PDCD11: variants seen among roughly 807,000 people sequenced by gnomAD.
PDCD11 encodes programmed cell death 11.
PDCD11 carries 97 observed loss-of-function variants against 198.9 expected under a neutral mutation model. The observed-to-expected ratio is 0.49, with a 90% CI of 0.41 to 0.58. The LOEUF is 0.58. Among genes scored for constraint, PDCD11 ranks in the 20% least tolerant of loss-of-function variants. PDCD11 has a pLI of 0.00. For missense variants in PDCD11, 2,102 were observed against 2,312.7 expected, an observed-to-expected ratio of 0.91 and a Z score of 1.87; for synonymous variants, 893 against 918.0, an observed-to-expected ratio of 0.97 and a Z score of 0.49.
chr10:103,402,434 T>A (rs1475418492), intron 3 of PDCD11, among the ~76,000 whole-genome samples: 1 of 152,198 alleles, frequency 6.6e-6, no homozygotes, highest in Non-Finnish European at 1.5e-5. Flanking sequence ...TATTTTTTAT[T>A]TATTTTTATT....
At chr10:103,442,139 C>A in intron 31 of PDCD11, 74 bp from the exon 32 acceptor site, 7 of 1,584,872 alleles carry the variant, frequency 4.4e-6, no homozygotes. Context: ...CCAGCCAACT[C>A]GTGACTTCCA....
intron 1 of PDCD11, 102 bp downstream of exon 1, chr10:103,396,832 C>T: frequency 6.6e-6 from 1 of 152,434 alleles, no homozygotes; most frequent in Non-Finnish European, 1.5e-5. Context: ...TGTGGTTCGG[C>T]CACCTTAGCC....
intron 1 of PDCD11, 45 bp from the exon 2 acceptor site, chr10:103,398,368 TCTG>T: frequency 8.5e-7 from 1 of 1,169,626 alleles, no homozygotes; most frequent in East Asian, 2.3e-5. Context: ...CTTTCTGAAA[TCTG>T]CTACCAAGAC....
At chr10:103,417,605 T>C (rs1172485616) in intron 13 of PDCD11, among the ~76,000 whole-genome samples, 187 bp from the exon 14 acceptor site, 1 of 152,280 alleles carries the variant, frequency 6.6e-6, no homozygotes, top group African/African-American at 2.4e-5. Context: ...ATGTCTTCCA[T>C]TTATCCCAAA....
chr10:103,427,421 C>CT, intron 21 of PDCD11, 30 bp downstream of exon 21: 1 of 1,562,516 alleles, frequency 6.4e-7, no homozygotes, highest in Non-Finnish European at 8.8e-7. Flanking sequence ...CACTGTCTTA[C>CT]GGAAAGAGCA....
chr10:103,402,040 C>G (rs1479208619), intron 3 of PDCD11, among the ~76,000 whole-genome samples: 1 of 152,208 alleles, frequency 6.6e-6, no homozygotes, highest in East Asian at 1.9e-4. Context: ...CTGCACCTGG[C>G]TGAAAACTAA....
chr10:103,438,215 G>C, intron 26 of PDCD11, 144 bp downstream of exon 26: 2 of 686,858 alleles, frequency 2.9e-6, no homozygotes, highest in South Asian at 3.3e-5. Flanking sequence ...ACCCAGAAAA[G>C]CTGAGGCTGT....
At chr10:103,430,387 G>A (rs887715170) in intron 21 of PDCD11, among the ~76,000 whole-genome samples, 2 of 152,188 alleles carry the variant, frequency 1.3e-5, no homozygotes, top group Admixed American at 6.5e-5. Flanking sequence ...TAGGTTGCTT[G>A]TGCCTCTTGG....
chr10:103,434,189 G>T, intron 23 of PDCD11, 59 bp from the exon 24 acceptor site: 1 of 1,277,362 alleles, frequency 7.8e-7, no homozygotes. Context: ...TAAATGCTGT[G>T]GTTTTGGATA....
chr10:103,432,033 G>A (rs181276714), intron 21 of PDCD11, 96 bp from the exon 22 acceptor site: 32 of 880,964 alleles, frequency 3.6e-5, no homozygotes, highest in Middle Eastern at 2.4e-4. Context: ...GGGGAGTCCC[G>A]TACAGTCAAT....
chr10:103,433,478 CAG>C (rs1455800085), intron 22 of PDCD11, among the ~76,000 whole-genome samples: 2 of 151,984 alleles, frequency 1.3e-5, no homozygotes, highest in Non-Finnish European at 2.9e-5. Context: ...GCCTAGGAGA[CAG>C]AGCGAGACTC....
At position 103,442,362 on chromosome 10, in the gene PDCD11, C is replaced by CA; in HGVS notation, c.4858dup (p.Ile1620AsnfsTer24). 1 of 1,614,228 alleles carries CA rather than the reference C, an allele frequency of 6.2e-7. No homozygotes were observed. The highest frequency in any genetic ancestry group is 8.5e-7 in the Non-Finnish European group (1 of 1,180,040). On this transcript the variant is annotated frameshift_variant, in exon 32 of 36. Coordinates refer to ENST00000369797, the MANE Select transcript of PDCD11 (RefSeq NM_014976.2). LOFTEE classifies it high-confidence loss of function. ...TGGTGCTGAGCTCCCCCAACAGCTC[C>CA]ATTCTGTGGCTGCAGTACATGGCTT... is the stretch of plus-strand genomic sequence containing the variant.
In PDCD11 at chr10:103,434,350, G is replaced by T; in HGVS notation, c.3667G>T (p.Gly1223Cys). 1 of 1,584,404 alleles carries T rather than the reference G, an allele frequency of 6.3e-7. No homozygotes were observed. The highest frequency in any genetic ancestry group is 8.7e-7 in the Non-Finnish European group (1 of 1,153,164). Residue 1223 changes from glycine (G) to cysteine (C), a missense_variant and splice_region_variant, in exon 24 of 36, where the codon GGT becomes TGT. Coordinates refer to ENST00000369797, the MANE Select transcript of PDCD11 (RefSeq NM_014976.2). ...GACCCTCTTATGTCTGTCCCTCACA[G>T]GTGTGGGGATGAAACAGTGCCTGGT... ...SKTLLCLSLT[G>C]PHKLEEGEVA...
intron 29 of PDCD11, 21 bp downstream of exon 29, chr10:103,440,602 G>A (rs2032342872): frequency 3.7e-6 from 6 of 1,608,720 alleles, no homozygotes; most frequent in Non-Finnish European, 5.1e-6. Flanking sequence ...GCGGAGGGCT[G>A]TGGCTGCCTA....
At chr10:103,413,457 A>G (rs2030925696) in intron 9 of PDCD11, 135 bp downstream of exon 9, 2 of 682,842 alleles carry the variant, frequency 2.9e-6, no homozygotes, top group African/African-American at 1.8e-5. Context: ...ATTCCTGTTC[A>G]TAGTGATTAG....
At chr10:103,442,187 C>A in intron 31 of PDCD11, 26 bp from the exon 32 acceptor site, 1 of 1,611,794 alleles carries the variant, frequency 6.2e-7, no homozygotes, top group South Asian at 1.1e-5. Flanking sequence ...GCAGATGACT[C>A]ACGGTGTTTC....
In PDCD11 at chr10:103,444,554, T is replaced by G. The variant is rs766302691; in HGVS notation, c.5316T>G (p.Phe1772Leu). Residue 1772 changes from phenylalanine (F) to leucine (L), a missense_variant, in exon 35 of 36, where the codon TTT (phenylalanine) becomes TTG (leucine). Phe to Leu is a conservative substitution (Grantham distance 22). Coordinates refer to ENST00000369797, the MANE Select transcript of PDCD11 (RefSeq NM_014976.2). ...DVIAKFAQLE[F>L]QLGDAERAKA... is the part of the protein sequence containing the mutation. The stretch of plus-strand genomic sequence containing the variant: ...TTGCCAAGTTTGCCCAGCTTGAGTT[T>G]CAGCTGGGGGATGCAGAGCGGGCCA... The G allele has an allele frequency of 1.2e-6, 2 of 1,614,182 alleles. No homozygotes were observed. Among genetic ancestry groups the G allele is most frequent in the South Asian group, 2.2e-5 (2 of 91,078 alleles).
At chr10:103,422,479 C>CA (rs970558067) in intron 17 of PDCD11, among the ~76,000 whole-genome samples, 5 of 151,060 alleles carry the variant, frequency 3.3e-5, no homozygotes, top group Non-Finnish European at 5.9e-5. Context: ...CTCTTCTCCC[C>CA]ACTGCCAGTC....
intron 15 of PDCD11, among the ~76,000 whole-genome samples, chr10:103,419,052 T>G (rs2031279294): frequency 6.6e-6 from 1 of 152,058 alleles, no homozygotes; most frequent in Non-Finnish European, 1.5e-5. Flanking sequence ...CTTTGGTCTT[T>G]GCATGGGTGC....
Sources: allele counts gnomAD v4.1 joint callset (sites outside exome capture counted in the v4.1 genomes callset), GRCh38; gene constraint gnomAD v4.1.1; transcripts MANE v1.5; gene names NCBI Gene and HGNC (gene_info 2026-07-23, HGNC 2026-07-21).